Variants in CAMTA1 observed in about 807,000 individuals in gnomAD.
The protein encoded by CAMTA1 is calmodulin binding transcription activator 1.
In CAMTA1, 27 loss-of-function variants were observed where a neutral mutation model predicts 170.9. That is an observed-to-expected ratio of 0.16 (90% CI 0.12 to 0.22). The LOEUF (loss-of-function observed/expected upper bound fraction) is 0.22. Among genes scored for constraint, CAMTA1 ranks in the 10% least tolerant of loss-of-function variants. CAMTA1 has a pLI of 1.00. For missense variants in CAMTA1, 1,619 were observed against 2,217.2 expected (o/e 0.73, Z 5.42); for synonymous variants, 833 against 891.5 (o/e 0.93, Z 1.17).
intron 5 of CAMTA1, among the ~76,000 whole-genome samples, chr1:7,284,662 TG>T (rs1303561549): frequency 1.3e-5 from 2 of 152,202 alleles, no homozygotes; most frequent in Non-Finnish European, 2.9e-5. Context: ...TCCTGGGCCG[TG>T]GGCTTCTTCC....
At chr1:7,388,640 G>A (rs370350425) in intron 5 of CAMTA1, 5 of 152,608 alleles carry the variant, frequency 3.3e-5, no homozygotes, top group Admixed American at 1.3e-4. Flanking sequence ...CCTGGTGAAC[G>A]TCCTGGCCTT....
chr1:7,364,398 A>G (rs1427012193), intron 5 of CAMTA1, among the ~76,000 whole-genome samples: 1 of 151,556 alleles, frequency 6.6e-6, no homozygotes, highest in Admixed American at 6.6e-5. Flanking sequence ...GGCACCTTCT[A>G]TGTGTCCTCA....
intron 5 of CAMTA1, among the ~76,000 whole-genome samples, chr1:7,285,076 G>A (rs1035934844): frequency 6.6e-6 from 1 of 152,164 alleles, no homozygotes; most frequent in East Asian, 1.9e-4. Context: ...CTTTTGGTCC[G>A]GCGGCCCCAG....
chr1:7,672,102 G>C (rs766306178), intron 10 of CAMTA1: 1 of 455,748 alleles, frequency 2.2e-6, no homozygotes, highest in African/African-American at 2.0e-5. Flanking sequence ...AAACAGGAGG[G>C]GGGTAAGGAT....
intron 4 of CAMTA1, among the ~76,000 whole-genome samples, chr1:7,110,645 T>C (rs1177393951): frequency 6.6e-6 from 1 of 152,240 alleles, no homozygotes; most frequent in Non-Finnish European, 1.5e-5. Flanking sequence ...GGCAGATGAA[T>C]GAGTGTTCTT....
At chr1:7,005,185 C>T (rs773091664) in intron 3 of CAMTA1, among the ~76,000 whole-genome samples, 1 of 152,228 alleles carries the variant, frequency 6.6e-6, no homozygotes, top group Non-Finnish European at 1.5e-5. Flanking sequence ...TTTGCCACAT[C>T]TACTTGATCT....
intron 19 of CAMTA1, among the ~76,000 whole-genome samples, chr1:7,749,128 C>A (rs934071663): frequency 6.6e-6 from 1 of 152,120 alleles, no homozygotes. Context: ...ATTCGAGAAC[C>A]TTTTATCAGA....
Position 6,839,967 on chromosome 1 carries a change from G to A in CAMTA1, c.234+14757G>A, listed in dbSNP as rs1208466967. Among the ~76,000 whole-genome samples the A allele has an allele frequency of 3.3e-5, 5 of 152,298 alleles. No homozygotes were observed. The East Asian group carries it at 9.7e-4, about 29-fold the overall frequency. On this transcript the variant is annotated intron_variant, in intron 3 of 22. Coordinates refer to ENST00000303635, the MANE Select transcript of CAMTA1 (RefSeq NM_015215.4). Reference sequence around the variant, plus strand: ...TGTAATCCCAGTACTCTGGGAGGCCGAGGTGGGCAGATCACCTGAGGTCAG... The same window carrying A: ...TGTAATCCCAGTACTCTGGGAGGCCAAGGTGGGCAGATCACCTGAGGTCAG...
chr1:7,044,887 C>T lies in CAMTA1; in HGVS notation c.235-46417C>T, dbSNP rs1705121310. Among the ~76,000 whole-genome samples the T allele has an allele frequency of 1.3e-5, 1 of 77,084 alleles. No homozygotes were observed. The highest frequency in any genetic ancestry group is 1.4e-4 in the Admixed American group (1 of 7,210). 50.6% of individuals were successfully genotyped at this position (77,084 alleles called of 152,430 possible). On this transcript the variant is annotated intron_variant, in intron 3 of 22. Transcript: ENST00000303635. The surrounding 1 kb of genome is among the most constrained non-coding windows in gnomAD (Gnocchi z 5.0). ...GCCTCCTCTCCCCATTAACATCCCGCCATTTTGATTAAAAAAAAAAATCCC... is the reference window on the plus strand; with the variant it reads ...GCCTCCTCTCCCCATTAACATCCCGTCATTTTGATTAAAAAAAAAAATCCC...
intron 4 of CAMTA1, among the ~76,000 whole-genome samples, chr1:7,204,384 C>G (rs1277118386): frequency 6.6e-6 from 1 of 152,032 alleles, no homozygotes; most frequent in Non-Finnish European, 1.5e-5. Flanking sequence ...TACCAATATT[C>G]GTATTTTTTT....
intron 4 of CAMTA1, among the ~76,000 whole-genome samples, chr1:7,187,641 G>C (rs1375965183): frequency 6.6e-6 from 1 of 152,186 alleles, no homozygotes; most frequent in South Asian, 2.1e-4. Context: ...AAATTATAGA[G>C]AATAAGAGGC....
At chr1:7,591,253 G>C (rs1477793832) in intron 6 of CAMTA1, among the ~76,000 whole-genome samples, 3 of 152,216 alleles carry the variant, frequency 2.0e-5, no homozygotes, top group Non-Finnish European at 2.9e-5. Context: ...TAGACCTTTA[G>C]AAAGTGCAGT....
chr1:6,805,060 T>A (rs891227178), intron 1 of CAMTA1, among the ~76,000 whole-genome samples: 2 of 152,206 alleles, frequency 1.3e-5, no homozygotes, highest in South Asian at 2.1e-4. Context: ...GGAATTGTGG[T>A]GTCGTAGTTA....
chr1:7,746,145 G>C, intron 18 of CAMTA1, 54 bp downstream of exon 18: 1 of 1,572,560 alleles, frequency 6.4e-7, no homozygotes, highest in Non-Finnish European at 8.7e-7. Context: ...AGAGAGGACA[G>C]ATGAAAGTCA....
intron 4 of CAMTA1, among the ~76,000 whole-genome samples, chr1:7,217,706 T>C (rs1238051422): frequency 6.6e-6 from 1 of 152,158 alleles, no homozygotes; most frequent in Non-Finnish European, 1.5e-5. Context: ...TTTAGTCTCT[T>C]ACTAACTTTT....
In CAMTA1 at chr1:7,075,067, A is replaced by G. The variant is rs148346975; in HGVS notation, c.235-16237A>G. ...GTGAAAACAATAACAACCTATTCCC[A>G]GCTCTCCCTTCACAATCTCTTTGTG... On this transcript the variant is annotated intron_variant, in intron 3 of 22. Transcript: ENST00000303635. Among the ~76,000 whole-genome samples, 186 of 152,284 alleles carry G rather than the reference A, an allele frequency of 1.2e-3. 1 individual carries two copies. Among genetic ancestry groups the G allele is most frequent in the African/African-American group, 4.4e-3 (183 of 41,568 alleles).
chr1:7,328,855 C>T (rs2082856856), intron 5 of CAMTA1, among the ~76,000 whole-genome samples: 1 of 152,100 alleles, frequency 6.6e-6, no homozygotes, highest in South Asian at 2.1e-4. Context: ...TCATTTTCCT[C>T]CTTTCTTGCT....
intron 5 of CAMTA1, among the ~76,000 whole-genome samples, chr1:7,339,063 G>A (rs909762889): frequency 1.3e-5 from 2 of 152,134 alleles, no homozygotes; most frequent in African/African-American, 2.4e-5. Flanking sequence ...CGAGACCAGC[G>A]AGGGGGAACT....
Position 7,577,718 on chromosome 1 carries a change from A to G in CAMTA1, c.511-62682A>G, listed in dbSNP as rs139151691. Among the ~76,000 whole-genome samples, 826 of 152,264 alleles carry G rather than the reference A, an allele frequency of 5.4e-3. 12 individuals are homozygous for G. Among genetic ancestry groups the G allele is most frequent in the South Asian group, 0.053 (258 of 4,826 alleles). Reference sequence around the variant, plus strand: ...CAATGGTCAGCCAATTTTTTCTTAAATGGTCAGATAGTATATTCTGCTTTG... The same window carrying G: ...CAATGGTCAGCCAATTTTTTCTTAAGTGGTCAGATAGTATATTCTGCTTTG... On this transcript the variant is annotated intron_variant, in intron 6 of 22. Coordinates refer to ENST00000303635, the MANE Select transcript of CAMTA1 (RefSeq NM_015215.4).
Sources: allele counts gnomAD v4.1 joint callset (sites outside exome capture counted in the v4.1 genomes callset), GRCh38; gene constraint gnomAD v4.1.1; non-coding constraint Gnocchi (gnomAD v3.1); transcripts MANE v1.5; gene names NCBI Gene and HGNC (gene_info 2026-07-23, HGNC 2026-07-21).